CCSER2: variants seen among roughly 807,000 people sequenced by gnomAD.
CCSER2 encodes coiled-coil serine rich protein 2.
In CCSER2, 46 loss-of-function variants were observed where a neutral mutation model predicts 92.3. The observed-to-expected ratio is 0.50, with a 90% confidence interval of 0.39 to 0.64. The LOEUF is 0.64. Ranked by LOEUF, CCSER2 falls within the 30% of genes least tolerant of loss-of-function variation. The pLI, the probability that CCSER2 is intolerant of heterozygous loss-of-function variation, is 0.00. For synonymous variants in CCSER2, 433 were observed against 431.4 expected, an observed-to-expected ratio of 1.00 and a Z score of -0.04; for missense variants, 1,244 against 1,238.9, an observed-to-expected ratio of 1.00 and a Z score of -0.06.
At chr10:84,457,795 G>A (rs930439180) in intron 6 of CCSER2, among the ~76,000 whole-genome samples, 6 of 148,942 alleles carry the variant, frequency 4.0e-5, no homozygotes, top group African/African-American at 1.5e-4. Context: ...AGGCTAGAGT[G>A]CAGTGGTGTG....
intron 9 of CCSER2, among the ~76,000 whole-genome samples, chr10:84,508,735 T>C (rs1301815969): frequency 6.6e-6 from 1 of 152,182 alleles, no homozygotes. Flanking sequence ...ACTATGTATT[T>C]GAAGCCTAGC....
intron 6 of CCSER2, among the ~76,000 whole-genome samples, chr10:84,448,897 C>T (rs1224974225): frequency 6.6e-6 from 1 of 152,076 alleles, no homozygotes; most frequent in Non-Finnish European, 1.5e-5. Flanking sequence ...CTGTGTTTTG[C>T]TAGTATCAGT....
intron 1 of CCSER2, among the ~76,000 whole-genome samples, chr10:84,336,847 A>G (rs1225461659): frequency 1.6e-5 from 2 of 121,500 alleles, no homozygotes; most frequent in Non-Finnish European, 3.0e-5. Flanking sequence ...TAAGTGGGAG[A>G]TGATGATTTT....
intron 3 of CCSER2, among the ~76,000 whole-genome samples, chr10:84,398,295 T>C (rs988573200): frequency 2.6e-5 from 4 of 152,206 alleles, no homozygotes; most frequent in Admixed American, 2.6e-4. Flanking sequence ...GTGATTATTA[T>C]ACATTGGGCC....
rs375895974 is a variant in CCSER2, at chr10:84,518,025, C to T, written c.*3758C>T. The T allele has an allele frequency of 1.1e-4, 16 of 152,308 alleles. No individual in the cohort carries two copies. In the East Asian group the frequency reaches 1.7e-3, roughly 17 times the overall value. The allele number at this position is 152,308 out of a possible 1,614,324, so 9.4% of individuals were successfully genotyped here. The stretch of plus-strand genomic sequence containing the variant: ...GGGTGGTTATGTTTGCATGCTTAAG[C>T]ACACATTTGAAAATTAATTATAGCT... On this transcript the variant is annotated 3_prime_UTR_variant, in exon 10 of 10. Transcript: ENST00000372088.
In CCSER2 at chr10:84,438,534, C is replaced by G. The variant is rs563138001; in HGVS notation, c.1891C>G (p.Pro631Ala). Residue 631 changes from proline to alanine, a missense_variant, in exon 6 of 10, where the codon CCT (proline) becomes GCT (alanine). By Grantham distance (27) the Pro-to-Ala change is conservative. Transcript: ENST00000372088. ...CAGAGGCTCTCCCTATAGAGAATCT[C>G]CTTTGGGTCATTTTGAAAGCTATGG... ...LSRGSPYRES[P>A]LGHFESYGGM... is the part of the protein sequence containing the mutation. 3.7e-6 allele frequency: 6 copies of G among 1,611,270 alleles called. No individual in the cohort carries two copies. Among genetic ancestry groups the G allele is most frequent in the Non-Finnish European group, 3.4e-6 (4 of 1,178,310 alleles).
intron 9 of CCSER2, among the ~76,000 whole-genome samples, chr10:84,505,773 C>CG (rs1400482079): frequency 6.6e-6 from 1 of 151,974 alleles, no homozygotes; most frequent in African/African-American, 2.4e-5. Context: ...CTTCCACAAA[C>CG]GTAGGCATGG....
chr10:84,390,376 C>T (rs369936686), intron 3 of CCSER2, among the ~76,000 whole-genome samples: 38 of 152,250 alleles, frequency 2.5e-4, no homozygotes, highest in African/African-American at 7.7e-4. Context: ...CTTACACAAA[C>T]TTAGAAGTTG....
At chr10:84,428,453 C>T (rs1236848724) in intron 5 of CCSER2, among the ~76,000 whole-genome samples, 6 of 152,202 alleles carry the variant, frequency 3.9e-5, no homozygotes, top group Admixed American at 3.9e-4. Flanking sequence ...TTACCTCCTG[C>T]TGTGTGGCCT....
intron 1 of CCSER2, among the ~76,000 whole-genome samples, chr10:84,349,391 G>A (rs1844735730): frequency 6.6e-6 from 1 of 152,056 alleles, no homozygotes; most frequent in African/African-American, 2.4e-5. Context: ...CCCATCTATT[G>A]GCTGGGTGCA....
At chr10:84,358,648 GTA>G (rs1237493350) in intron 1 of CCSER2, among the ~76,000 whole-genome samples, 7 of 146,306 alleles carry the variant, frequency 4.8e-5, no homozygotes, top group African/African-American at 1.3e-4. Flanking sequence ...GTATATATGT[GTA>G]TATATATATA....
At chr10:84,464,282 T>A (rs1371460617) in intron 7 of CCSER2, among the ~76,000 whole-genome samples, 1 of 152,082 alleles carries the variant, frequency 6.6e-6, no homozygotes, top group Non-Finnish European at 1.5e-5. Context: ...ATGATAAGAG[T>A]TTTTAAAATA....
At chr10:84,402,148 A>C (rs1842150938) in intron 3 of CCSER2, among the ~76,000 whole-genome samples, 1 of 152,042 alleles carries the variant, frequency 6.6e-6, no homozygotes, top group African/African-American at 2.4e-5. Flanking sequence ...AAAACTCTTA[A>C]ATTTTCGCAT....
chr10:84,476,435 CTTTTTTTTTTTTT>C (rs35978182), intron 8 of CCSER2, among the ~76,000 whole-genome samples: 1,299 of 58,740 alleles, frequency 0.022, 18 homozygotes, highest in South Asian at 0.097. Context: ...AATTCTCTCT[CTTTTTTTTTTTTT>C]TTTTTTTTTT....
chr10:84,513,214 T>G (rs1849455858), intron 9 of CCSER2, among the ~76,000 whole-genome samples: 1 of 152,210 alleles, frequency 6.6e-6, no homozygotes, highest in East Asian at 1.9e-4. Context: ...TTTTTCTCAT[T>G]TAATTTTGGA....
chr10:84,456,081 C>G (rs996015506), intron 6 of CCSER2: 36 of 404,346 alleles, frequency 8.9e-5, no homozygotes, highest in African/African-American at 5.0e-4. Flanking sequence ...GGCCAAAGAC[C>G]CGAGCTGCAG....
intron 3 of CCSER2, among the ~76,000 whole-genome samples, chr10:84,414,850 A>T (rs1842817880): frequency 6.6e-6 from 1 of 151,976 alleles, no homozygotes. Context: ...ATTTATTTTC[A>T]TTCTTTTTTC....
intron 1 of CCSER2, among the ~76,000 whole-genome samples, chr10:84,354,685 A>G (rs758284183): frequency 2.6e-5 from 4 of 151,240 alleles, no homozygotes; most frequent in Non-Finnish European, 4.4e-5. Context: ...TCCTGTACTG[A>G]TAATTCCCAA....
At chr10:84,356,534 A>T (rs575277253) in intron 1 of CCSER2, among the ~76,000 whole-genome samples, 47 of 152,262 alleles carry the variant, frequency 3.1e-4, no homozygotes, top group East Asian at 2.3e-3. Context: ...GTATTTTTTT[A>T]AAAAAATGTT....
Sources: allele counts gnomAD v4.1 joint callset (sites outside exome capture counted in the v4.1 genomes callset), GRCh38; gene constraint gnomAD v4.1.1; transcripts MANE v1.5; gene names NCBI Gene and HGNC (gene_info 2026-07-23, HGNC 2026-07-21).